Variants in PLXDC2 observed in about 807,000 individuals in gnomAD.
The protein encoded by PLXDC2 is plexin domain containing 2.
In PLXDC2, 40 loss-of-function variants were observed where a neutral mutation model predicts 68.9. The ratio of observed to expected loss-of-function variants is 0.58; its 90% CI spans 0.45 to 0.76. The LOEUF (loss-of-function observed/expected upper bound fraction) is 0.76, where lower values mean the gene tolerates loss of function less well. Among genes scored for constraint, PLXDC2 ranks in the 30% least tolerant of loss-of-function variants. The pLI, the probability that PLXDC2 is intolerant of heterozygous loss-of-function variation, is 0.00. For synonymous variants in PLXDC2, 243 were observed against 234.2 expected (o/e 1.04, Z -0.34); for missense variants, 644 against 661.9 (o/e 0.97, Z 0.30).
chr10:20,251,658 A>C (rs1242869100), intron 13 of PLXDC2, among the ~76,000 whole-genome samples: 1 of 152,212 alleles, frequency 6.6e-6, no homozygotes, highest in Non-Finnish European at 1.5e-5. Flanking sequence ...GAAGGTCAAG[A>C]AAATAATATT....
chr10:20,032,184 A>G (rs192045161), intron 2 of PLXDC2, among the ~76,000 whole-genome samples: 13 of 152,330 alleles, frequency 8.5e-5, no homozygotes, highest in Non-Finnish European at 1.5e-4. Context: ...ATGATGAACA[A>G]TGTTTTAAAG....
intron 13 of PLXDC2, among the ~76,000 whole-genome samples, chr10:20,257,689 C>A (rs544583330): frequency 6.6e-6 from 1 of 152,166 alleles, no homozygotes; most frequent in Admixed American, 6.5e-5. Context: ...ATTTAAAATG[C>A]CTTAAGCAAA....
At chr10:20,242,128 A>G (rs2119328286) in intron 12 of PLXDC2, among the ~76,000 whole-genome samples, 1 of 152,316 alleles carries the variant, frequency 6.6e-6, no homozygotes, top group Non-Finnish European at 1.5e-5. Context: ...CACATTTTCA[A>G]TTAATCCTAT....
At chr10:19,863,067 AG>A (rs1197101091) in intron 1 of PLXDC2, among the ~76,000 whole-genome samples, 1 of 152,228 alleles carries the variant, frequency 6.6e-6, no homozygotes, top group Non-Finnish European at 1.5e-5. Flanking sequence ...TTAGAGGGTA[AG>A]AGGAGGTGAT....
At position 20,280,522 on chromosome 10, in the gene PLXDC2, G is replaced by A. The variant is rs183649426; in HGVS notation, c.*703G>A. The A allele has an allele frequency of 4.8e-3, 735 of 152,120 alleles. 3 individuals carry two copies. The highest frequency in any genetic ancestry group is 0.024 in the Middle Eastern group (7 of 294). 9.4% of individuals were successfully genotyped at this position (152,120 alleles called of 1,614,324 possible). ...TTCTATGAGCTGTGACAAAATTTCC[G>A]AACAATTAACTAAGGATTTGGGAAG... On this transcript the variant is annotated 3_prime_UTR_variant, in exon 14 of 14. Coordinates refer to ENST00000377252, the MANE Select transcript of PLXDC2 (RefSeq NM_032812.9).
chr10:20,166,321 C>T (rs995438927), intron 7 of PLXDC2, among the ~76,000 whole-genome samples: 1 of 152,058 alleles, frequency 6.6e-6, no homozygotes, highest in East Asian at 1.9e-4. Context: ...TGGGGTTTCT[C>T]CTTGTTAGCT....
chr10:20,167,167 A>G (rs1267958910), intron 7 of PLXDC2, among the ~76,000 whole-genome samples: 1 of 152,188 alleles, frequency 6.6e-6, no homozygotes, highest in Non-Finnish European at 1.5e-5. Flanking sequence ...TTATGCAAGA[A>G]AATTAGAATC....
In PLXDC2 at chr10:19,875,429, T is replaced by A. The variant is rs564531808; in HGVS notation, c.112+58238T>A. 3.3e-5 allele frequency among the ~76,000 whole-genome samples: 5 copies of A among 152,350 alleles called. No homozygotes were observed. In the South Asian group the frequency reaches 1.0e-3, roughly 32 times the overall value. ...TTAAAAAGATAAAATGGAATAAAGT[T>A]CATTTTTAGAAATATTTTTAAGTAG... On this transcript the variant is annotated intron_variant, in intron 1 of 13. Coordinates refer to ENST00000377252, the MANE Select transcript of PLXDC2 (RefSeq NM_032812.9).
intron 12 of PLXDC2, among the ~76,000 whole-genome samples, chr10:20,239,167 T>C (rs570928269): frequency 5.3e-5 from 8 of 152,318 alleles, no homozygotes; most frequent in African/African-American, 1.9e-4. Flanking sequence ...TTACTAAGTA[T>C]GTGAGAAAGA....
At chr10:20,199,707 T>C (rs1248087614) in intron 9 of PLXDC2, among the ~76,000 whole-genome samples, 4 of 151,972 alleles carry the variant, frequency 2.6e-5, no homozygotes, top group Non-Finnish European at 1.5e-5. Flanking sequence ...TATTTCCACA[T>C]CTATTCGATC....
chr10:20,125,767 A>G (rs1243829406), intron 4 of PLXDC2, among the ~76,000 whole-genome samples: 1 of 152,150 alleles, frequency 6.6e-6, no homozygotes, highest in East Asian at 1.9e-4. Context: ...ATTAATGTAC[A>G]CAGCAGTGTT....
chr10:19,838,389 A>G (rs936530012), intron 1 of PLXDC2, among the ~76,000 whole-genome samples: 12 of 152,228 alleles, frequency 7.9e-5, no homozygotes, highest in Admixed American at 6.5e-4. Context: ...AGTATTTTCT[A>G]TACTATTTGT....
chr10:20,055,603 G>T (rs1156296213), intron 3 of PLXDC2, among the ~76,000 whole-genome samples: 1 of 152,024 alleles, frequency 6.6e-6, no homozygotes, highest in Non-Finnish European at 1.5e-5. Flanking sequence ...GAATAAACTT[G>T]CTGCATTCTG....
Position 20,143,400 on chromosome 10 carries a change from T to C in PLXDC2, c.647T>C (p.Val216Ala). 2.5e-6 allele frequency: 4 copies of C among 1,613,202 alleles called. No homozygotes were observed. The highest frequency in any genetic ancestry group is 3.4e-6 in the Non-Finnish European group (4 of 1,179,328). Residue 216 changes from valine (V) to alanine (A), a missense_variant, in exon 5 of 14, where the codon GTC (valine) becomes GCC (alanine). Val to Ala is a moderately conservative substitution (Grantham distance 64). Coordinates refer to ENST00000377252, the MANE Select transcript of PLXDC2 (RefSeq NM_032812.9). ...FDPSVSRNSTVRYFDNGTALV... is the reference protein window; with the variant it reads ...FDPSVSRNSTARYFDNGTALV... ...CCCAGTGTATCCAGAAATTCAACTGTCAGATATTTTGATAATGGTATGTGT... is the reference window on the plus strand; with the variant it reads ...CCCAGTGTATCCAGAAATTCAACTGCCAGATATTTTGATAATGGTATGTGT...
At chr10:19,930,911 C>A (rs781201841) in intron 1 of PLXDC2, among the ~76,000 whole-genome samples, 4 of 151,922 alleles carry the variant, frequency 2.6e-5, no homozygotes, top group African/African-American at 7.3e-5. Flanking sequence ...TTGCAGTGAA[C>A]CAAGATCACA....
chr10:20,038,633 A>G (rs1444413071), intron 2 of PLXDC2, among the ~76,000 whole-genome samples: 1 of 152,188 alleles, frequency 6.6e-6, no homozygotes, highest in Non-Finnish European at 1.5e-5. Context: ...GGCTTGATTT[A>G]AGGATGCTGA....
At chr10:20,191,817 A>G (rs1476035742) in intron 9 of PLXDC2, among the ~76,000 whole-genome samples, 1 of 152,104 alleles carries the variant, frequency 6.6e-6, no homozygotes, top group African/African-American at 2.4e-5. Context: ...AATAAAAAAT[A>G]AACAAGTAAA....
chr10:19,946,033 A>G (rs1424115544), intron 1 of PLXDC2, among the ~76,000 whole-genome samples: 1 of 152,198 alleles, frequency 6.6e-6, no homozygotes, highest in African/African-American at 2.4e-5. Flanking sequence ...CCCGTTGATT[A>G]AGGATAGCAA....
At chr10:20,153,032 G>A (rs1834171242) in intron 6 of PLXDC2, among the ~76,000 whole-genome samples, 1 of 152,112 alleles carries the variant, frequency 6.6e-6, no homozygotes, top group Non-Finnish European at 1.5e-5. Context: ...TAGTCCTTCA[G>A]GGATCTCCAC....
Sources: allele counts gnomAD v4.1 joint callset (sites outside exome capture counted in the v4.1 genomes callset), GRCh38; gene constraint gnomAD v4.1.1; transcripts MANE v1.5; gene names NCBI Gene and HGNC (gene_info 2026-07-23, HGNC 2026-07-21).